Variants in BRINP3 observed in about 807,000 individuals in gnomAD.
BRINP3 encodes BMP/retinoic acid inducible neural specific 3.
BRINP3 carries 19 observed loss-of-function variants against 71.0 expected under a neutral mutation model. That is an observed-to-expected ratio of 0.27 (90% CI 0.19 to 0.39). BRINP3 has a LOEUF of 0.39. BRINP3 is among the 10% of genes least tolerant of loss of function. The probability of loss-of-function intolerance (pLI) is 1.00; values close to 1 mark genes in which losing one functional copy is unlikely to be tolerated. For missense variants in BRINP3, 959 were observed against 940.8 expected, an observed-to-expected ratio of 1.02 and a Z score of -0.25; for synonymous variants, 380 against 337.7, an observed-to-expected ratio of 1.13 and a Z score of -1.37.
chr1:190,382,475 C>T (rs1034375096), intron 2 of BRINP3, among the ~76,000 whole-genome samples: 7 of 151,940 alleles, frequency 4.6e-5, no homozygotes, highest in Non-Finnish European at 4.4e-5. Context: ...AAAAAAAATC[C>T]GAAGTATAAA....
In BRINP3 at chr1:190,111,433, G is replaced by GT. The variant is rs565127541; in HGVS notation, c.1185-12300dup. ...TGATATGTAATTATGTAATTTAAGA[G>GT]TGGGTGCTTTATTTGACATTGGTGC... On this transcript the variant is annotated intron_variant, in intron 7 of 7. Transcript: ENST00000367462. 4.6e-5 allele frequency among the ~76,000 whole-genome samples: 7 copies of GT among 152,236 alleles called. No homozygotes were observed. The South Asian group carries it at 1.5e-3, about 32-fold the overall frequency.
At chr1:190,250,526 T>C (rs1660037487) in intron 4 of BRINP3, among the ~76,000 whole-genome samples, 3 of 151,974 alleles carry the variant, frequency 2.0e-5, no homozygotes, top group Non-Finnish European at 4.4e-5. Context: ...CTGTCCTTTA[T>C]GTCATTAGTC....
At chr1:190,150,534 T>G (rs1435030297) in intron 7 of BRINP3, among the ~76,000 whole-genome samples, 9 of 152,200 alleles carry the variant, frequency 5.9e-5, no homozygotes. Flanking sequence ...TGATATCATT[T>G]GTAAGATTTA....
chr1:190,172,964 A>G (rs1652153281), intron 6 of BRINP3, among the ~76,000 whole-genome samples: 1 of 152,170 alleles, frequency 6.6e-6, no homozygotes, highest in Non-Finnish European at 1.5e-5. Context: ...TCTATTCATG[A>G]CAGGGCTTTG....
At chr1:190,467,200 T>G (rs1388108559) in intron 1 of BRINP3, among the ~76,000 whole-genome samples, 2 of 151,504 alleles carry the variant, frequency 1.3e-5, no homozygotes, top group Non-Finnish European at 3.0e-5. Flanking sequence ...ATAAAATGAG[T>G]GACCAAGCAT....
intron 2 of BRINP3, among the ~76,000 whole-genome samples, chr1:190,317,000 C>A (rs1163898009): frequency 2.0e-5 from 3 of 151,574 alleles, no homozygotes; most frequent in Admixed American, 6.6e-5. Flanking sequence ...TGGTGAAACC[C>A]CATCTCTACT....
intron 2 of BRINP3, among the ~76,000 whole-genome samples, chr1:190,380,274 A>G (rs1346621089): frequency 6.6e-6 from 1 of 152,110 alleles, no homozygotes; most frequent in Non-Finnish European, 1.5e-5. Context: ...AAGTGGGGAT[A>G]CCAGGAATGA....
At chr1:190,290,283 T>G (rs568272713) in intron 2 of BRINP3, among the ~76,000 whole-genome samples, 2 of 152,250 alleles carry the variant, frequency 1.3e-5, no homozygotes, top group East Asian at 3.9e-4. Flanking sequence ...AAATATGCTA[T>G]CATTTCCTGC....
intron 4 of BRINP3, among the ~76,000 whole-genome samples, chr1:190,248,935 T>C (rs1183176915): frequency 2.0e-5 from 3 of 151,912 alleles, no homozygotes; most frequent in Non-Finnish European, 4.4e-5. Context: ...TTTGAGACTA[T>C]AGTTCTCAAA....
At chr1:190,338,405 A>T (rs1311473538) in intron 2 of BRINP3, among the ~76,000 whole-genome samples, 1 of 152,080 alleles carries the variant, frequency 6.6e-6, no homozygotes, top group Middle Eastern at 3.2e-3. Flanking sequence ...TCTATTGTTG[A>T]AAAGGTAAAC....
rs546032995 is a variant in BRINP3, at chr1:190,432,759, C to T, written c.236+21896G>A. ...CCATCTGTGGAAATTTGTGCATTTGCCATTAGAACAAACAAAATAATGGAT... is the reference window on the plus strand; with the variant it reads ...CCATCTGTGGAAATTTGTGCATTTGTCATTAGAACAAACAAAATAATGGAT... On this transcript the variant is annotated intron_variant, in intron 2 of 7. Coordinates refer to ENST00000367462, the MANE Select transcript of BRINP3 (RefSeq NM_199051.3). Among the ~76,000 whole-genome samples the T allele has an allele frequency of 7.3e-4, 111 of 152,148 alleles. 1 individual carries two copies. The highest frequency in any genetic ancestry group is 2.4e-3 in the African/African-American group (101 of 41,522).
chr1:190,188,566 G>T (rs969903131), intron 6 of BRINP3, among the ~76,000 whole-genome samples: 3 of 152,078 alleles, frequency 2.0e-5, no homozygotes, highest in East Asian at 1.9e-4. Context: ...GCTGAGAGAA[G>T]ATGTGAAATT....
At chr1:190,444,788 C>T (rs1389314675) in intron 2 of BRINP3, among the ~76,000 whole-genome samples, 2 of 152,018 alleles carry the variant, frequency 1.3e-5, no homozygotes, top group Non-Finnish European at 2.9e-5. Flanking sequence ...TCTGCCTTGG[C>T]CCCCCCAAGG....
chr1:190,299,910 G>A (rs970374098), intron 2 of BRINP3, among the ~76,000 whole-genome samples: 9 of 152,072 alleles, frequency 5.9e-5, no homozygotes, highest in African/African-American at 2.2e-4. Context: ...AGTTTCTGCC[G>A]AGACATCTGC....
intron 4 of BRINP3, among the ~76,000 whole-genome samples, chr1:190,243,349 A>G (rs1659291302): frequency 6.6e-6 from 1 of 151,922 alleles, no homozygotes; most frequent in African/African-American, 2.4e-5. Flanking sequence ...CTTTTTTTTT[A>G]GATAACACAG....
intron 6 of BRINP3, among the ~76,000 whole-genome samples, chr1:190,184,432 A>G (rs1052022236): frequency 5.9e-5 from 9 of 152,072 alleles, no homozygotes; most frequent in African/African-American, 2.2e-4. Context: ...ACATGCACTC[A>G]TATGTTCATC....
intron 7 of BRINP3, among the ~76,000 whole-genome samples, chr1:190,107,270 C>T (rs950360101): frequency 3.3e-5 from 5 of 151,886 alleles, no homozygotes; most frequent in East Asian, 3.9e-4. Context: ...TCTTCGAAGC[C>T]TTTACATTCT....
chr1:190,186,228 A>G (rs988609686), intron 6 of BRINP3, among the ~76,000 whole-genome samples: 3 of 151,990 alleles, frequency 2.0e-5, no homozygotes, highest in Non-Finnish European at 4.4e-5. Context: ...ATACAAAAAA[A>G]TTAGCCAGAC....
At chr1:190,245,911 T>C (rs1659559792) in intron 4 of BRINP3, among the ~76,000 whole-genome samples, 1 of 151,872 alleles carries the variant, frequency 6.6e-6, no homozygotes, top group Non-Finnish European at 1.5e-5. Flanking sequence ...GCTTCATCCA[T>C]GTCCCTACAA....
Sources: allele counts gnomAD v4.1 joint callset (sites outside exome capture counted in the v4.1 genomes callset), GRCh38; gene constraint gnomAD v4.1.1; transcripts MANE v1.5; gene names NCBI Gene and HGNC (gene_info 2026-07-23, HGNC 2026-07-21).